CARD8: variants seen among roughly 807,000 people sequenced by gnomAD.
The protein encoded by CARD8 is caspase recruitment domain family member 8, also known as caspase recruitment domain-containing protein 8.
CARD8 carries 38 observed loss-of-function variants against 53.2 expected under a neutral mutation model. That is an observed-to-expected ratio of 0.71 (90% CI 0.55 to 0.94). The LOEUF is 0.94. CARD8 is among the 40% of genes least tolerant of loss of function. The probability of loss-of-function intolerance (pLI) is 0.00; values close to 1 mark genes in which losing one functional copy is unlikely to be tolerated. For missense variants in CARD8, 561 were observed against 655.5 expected, an observed-to-expected ratio of 0.86 and a Z score of 1.57; for synonymous variants, 245 against 244.9, an observed-to-expected ratio of 1.00 and a Z score of 0.00.
chr19:48,232,226 C>T (rs1178892304), intron 7 of CARD8: 2 of 600,498 alleles, frequency 3.3e-6, no homozygotes, highest in East Asian at 5.6e-5. Flanking sequence ...GGCCCTGCTG[C>T]TGTCCCCAGC....
At chr19:48,236,572 C>T (rs1263063697) in intron 5 of CARD8, among the ~76,000 whole-genome samples, 1 of 152,158 alleles carries the variant, frequency 6.6e-6, no homozygotes, top group Admixed American at 6.6e-5. Flanking sequence ...TGGTCCCCGG[C>T]GTGCAGCACT....
downstream of CARD8, among the ~76,000 whole-genome samples, chr19:48,206,671 A>G (rs2037356968): frequency 6.6e-6 from 1 of 151,960 alleles, no homozygotes; most frequent in Non-Finnish European, 1.5e-5. Context: ...AGAGCACTGC[A>G]GTCAGGGGCT....
intron 11 of CARD8, among the ~76,000 whole-genome samples, chr19:48,219,663 T>G (rs1422054228): frequency 6.6e-6 from 1 of 152,166 alleles, no homozygotes; most frequent in Non-Finnish European, 1.5e-5. Flanking sequence ...GAGGAGAGTT[T>G]ACCTCGCTCA....
At chr19:48,226,619 T>C (rs2041841927) in intron 10 of CARD8, among the ~76,000 whole-genome samples, 1 of 152,184 alleles carries the variant, frequency 6.6e-6, no homozygotes, top group South Asian at 2.1e-4. Context: ...GCAAAAAATC[T>C]CCCTGTTCCT....
chr19:48,218,776 A>G (rs1188419660), intron 12 of CARD8, 95 bp downstream of exon 12: 2 of 1,334,346 alleles, frequency 1.5e-6, no homozygotes. Context: ...CTTCTCTGGG[A>G]AAGAACCATA....
intron 4 of CARD8, 110 bp downstream of exon 4, chr19:48,240,852 G>T: frequency 1.1e-6 from 1 of 893,856 alleles, no homozygotes; most frequent in South Asian, 1.5e-5. Context: ...TAAAATGTGA[G>T]CAGAACCTTT....
chr19:48,215,001 G>A, intron 13 of CARD8: 1 of 186,818 alleles, frequency 5.4e-6, no homozygotes, highest in South Asian at 9.6e-5. Context: ...TGTTGCCCAG[G>A]CTGGTCTCGA....
intron 4 of CARD8, among the ~76,000 whole-genome samples, chr19:48,240,713 G>A (rs1195648737): frequency 6.6e-6 from 1 of 151,618 alleles, no homozygotes; most frequent in Non-Finnish European, 1.5e-5. Flanking sequence ...AGGTTGTAGT[G>A]AGCTGAGATG....
chr19:48,215,346 AAGG>A lies in CARD8; in HGVS notation c.1339_1341del (p.Pro447del), dbSNP rs772140439. On this transcript the variant is annotated inframe_deletion, in exon 13 of 14. Transcript: ENST00000651546. ...ATGTAAACATTTCACTTACCTGAGA[AAGG>A]AGGAGGGGCTGATGCAGCTACAAGC... 9 of 1,610,204 alleles carry A rather than the reference AAGG, an allele frequency of 5.6e-6. No individual in the cohort carries two copies. Among genetic ancestry groups the A allele is most frequent in the South Asian group, 5.5e-5 (5 of 90,996 alleles).
chr19:48,213,584 G>C (rs2038508935), intron 13 of CARD8, among the ~76,000 whole-genome samples: 1 of 152,152 alleles, frequency 6.6e-6, no homozygotes, highest in Non-Finnish European at 1.5e-5. Flanking sequence ...ATGTTGGCCA[G>C]GCTGGTCTCA....
chr19:48,240,872 A>C (rs2044878884), intron 4 of CARD8, 90 bp downstream of exon 4: 3 of 1,038,888 alleles, frequency 2.9e-6, no homozygotes, highest in Admixed American at 2.3e-5. Context: ...TCTTCCAGAA[A>C]ACATCCATGG....
intron 6 of CARD8, chr19:48,233,351 A>AT (rs1178121295): frequency 2.2e-6 from 1 of 456,310 alleles, no homozygotes; most frequent in East Asian, 6.9e-5. Context: ...TTTCGACGTG[A>AT]AAGAGACCAG....
Position 48,211,980 on chromosome 19 carries a change from A to G in CARD8, c.1349-5T>C. The G allele has an allele frequency of 6.2e-7, 1 of 1,611,878 alleles. No homozygotes were observed. ...TCTCCTTCACAAAGGCTGCACCTGGATGAAAGGGGGAGTTTCAGACTTTGA... is the reference window on the plus strand; with the variant it reads ...TCTCCTTCACAAAGGCTGCACCTGGGTGAAAGGGGGAGTTTCAGACTTTGA... On this transcript the variant is annotated splice_polypyrimidine_tract_variant and splice_region_variant and intron_variant, in intron 13 of 13. Transcript: ENST00000651546.
intron 3 of CARD8, among the ~76,000 whole-genome samples, chr19:48,242,817 G>A (rs185756005): frequency 3.9e-5 from 6 of 152,170 alleles, no homozygotes; most frequent in Admixed American, 6.5e-5. Context: ...TTCCGTGCTC[G>A]CTTCGGCAGC....
At chr19:48,249,400 A>G (rs1263915297) in intron 3 of CARD8, 123 bp downstream of exon 3, 1 of 152,244 alleles carries the variant, frequency 6.6e-6, no homozygotes, top group Non-Finnish European at 1.5e-5. Flanking sequence ...GAAATTTCAT[A>G]TATTGCTTCA....
chr19:48,206,390 G>T, downstream of CARD8: 1 of 456,614 alleles, frequency 2.2e-6, no homozygotes, highest in South Asian at 1.5e-5. Flanking sequence ...CTACCGTATT[G>T]GATAGTGAAG....
intron 3 of CARD8, among the ~76,000 whole-genome samples, chr19:48,243,857 CGAAATG>C (rs2045650004): frequency 1.3e-5 from 2 of 152,092 alleles, no homozygotes; most frequent in African/African-American, 4.8e-5. Flanking sequence ...TTTCAAGAAA[CGAAATG>C]GAATTTTTTC....
chr19:48,228,120 T>C (rs2042147792), intron 10 of CARD8, among the ~76,000 whole-genome samples: 1 of 152,120 alleles, frequency 6.6e-6, no homozygotes, highest in Admixed American at 6.5e-5. Flanking sequence ...ACGCCCTTTA[T>C]GAGAATCTAA....
intron 5 of CARD8, 133 bp downstream of exon 5, chr19:48,238,250 A>G: frequency 7.2e-7 from 1 of 1,385,572 alleles, no homozygotes; most frequent in Non-Finnish European, 9.5e-7. Context: ...TAAGATAACA[A>G]AGAAGAAAAG....
Sources: gnomAD v4.1 joint callset for allele counts (sites outside exome capture counted in the v4.1 genomes callset) on GRCh38, gnomAD v4.1.1 for gene constraint, MANE v1.5 for transcripts, NCBI Gene and HGNC (gene_info 2026-07-23, HGNC 2026-07-21) for gene names.